The following FYB2 variants were observed in gnomAD, a reference collection of about 807,000 sequenced individuals.
The protein encoded by FYB2 is FYN binding protein 2, also known as FYN-binding protein 2.
In FYB2, 103 loss-of-function variants were observed where a neutral mutation model predicts 94.1. The observed-to-expected ratio is 1.09, with a 90% CI of 0.93 to 1.29. FYB2 has a LOEUF of 1.29. Ranked by LOEUF, FYB2 falls within the 50% of genes most tolerant of loss-of-function variation. The pLI, the probability that FYB2 is intolerant of heterozygous loss-of-function variation, is 0.00. For synonymous variants in FYB2, 293 were observed against 287.9 expected (o/e 1.02, Z -0.18); for missense variants, 896 against 841.5 (o/e 1.06, Z -0.80).
At position 56,719,543 on chromosome 1, in the gene FYB2, A is replaced by G; in HGVS notation, c.*128T>C. The G allele has an allele frequency of 1.3e-6, 1 of 786,444 alleles. No homozygotes were observed. Among genetic ancestry groups the G allele is most frequent in the Middle Eastern group, 2.4e-4 (1 of 4,238 alleles). The allele number at this position is 786,444 out of a possible 1,614,324, so 48.7% of individuals were successfully genotyped here. On this transcript the variant is annotated 3_prime_UTR_variant, in exon 20 of 20. Transcript: ENST00000343433. ...TTTTATTTTTCTCTTTTAAGTTCAG[A>G]ACGAAAGTTTCCACAGATTCCACCA...
intron 16 of FYB2, among the ~76,000 whole-genome samples, chr1:56,723,966 T>A (rs930553802): frequency 6.6e-6 from 1 of 152,032 alleles, no homozygotes; most frequent in Non-Finnish European, 1.5e-5. Flanking sequence ...AAAAAATATT[T>A]TTGATGGCAA....
intron 2 of FYB2, among the ~76,000 whole-genome samples, chr1:56,789,713 A>T (rs1209570690): frequency 6.6e-6 from 1 of 152,122 alleles, no homozygotes; most frequent in Admixed American, 6.5e-5. Context: ...ATCATGGCAC[A>T]TTGGAGGCAC....
chr1:56,799,776 C>T (rs796343129), intron 1 of FYB2, among the ~76,000 whole-genome samples: 8 of 152,196 alleles, frequency 5.3e-5, no homozygotes, highest in South Asian at 4.1e-4. Flanking sequence ...CCTGCTGCCA[C>T]GGGCTGCTAG....
intron 15 of FYB2, among the ~76,000 whole-genome samples, chr1:56,733,342 T>C (rs956710084): frequency 6.6e-6 from 1 of 152,130 alleles, no homozygotes; most frequent in African/African-American, 2.4e-5. Flanking sequence ...TTAGTCTTGC[T>C]AGTGGTCTAT....
At chr1:56,769,157 G>A (rs1003633880) in intron 4 of FYB2, among the ~76,000 whole-genome samples, 11 of 152,078 alleles carry the variant, frequency 7.2e-5, no homozygotes, top group Non-Finnish European at 1.3e-4. Context: ...ACACACCTCA[G>A]CCTCCTGAAT....
chr1:56,816,266 C>T (rs1432886812), intron 1 of FYB2, among the ~76,000 whole-genome samples: 2 of 152,156 alleles, frequency 1.3e-5, no homozygotes, highest in African/African-American at 2.4e-5. Flanking sequence ...AGTGGCTGGT[C>T]TAGTCTGGAG....
chr1:56,823,437 AGATAAAATATTTAAG>A (rs1318638602), upstream of FYB2, among the ~76,000 whole-genome samples: 1 of 152,230 alleles, frequency 6.6e-6, no homozygotes, highest in Non-Finnish European at 1.5e-5. Flanking sequence ...AATTATTTAA[AGATAAAATATTTAAG>A]GATAAAATGC....
At chr1:56,767,748 G>T in intron 5 of FYB2, 81 bp downstream of exon 5, 1 of 1,097,880 alleles carries the variant, frequency 9.1e-7, no homozygotes, top group Non-Finnish European at 1.4e-6. Context: ...TAAACTTACA[G>T]TTAGCTAAAG....
rs188798726 is a variant in FYB2 at position 56,744,183 on chromosome 1, A to G, written c.1471T>C (p.Tyr491His). ...SKTSSISEEI[Y>H]DDVEYSRKEV... ...TTCCTGGAGTACTCGACATCATCAT[A>G]TATCTCCTCCGAGATGGAACTTGTC... The change falls in exon 10 of 20, where the codon TAT becomes CAT. Residue 491 changes from tyrosine to histidine, a missense_variant. Transcript: ENST00000343433. 7 of 1,612,730 alleles carry G rather than the reference A, an allele frequency of 4.3e-6. No individual in the cohort carries two copies. Among genetic ancestry groups the G allele is most frequent in the African/African-American group, 1.3e-5 (1 of 74,898 alleles).
At chr1:56,767,804 C>T (rs750091354) in intron 5 of FYB2, 25 bp downstream of exon 5, 1 of 1,503,358 alleles carries the variant, frequency 6.7e-7, no homozygotes, top group Non-Finnish European at 9.2e-7. Context: ...CAGGGTTACA[C>T]TATTAATTGG....
chr1:56,758,866 C>T (rs111834246), intron 5 of FYB2, 116 bp from the exon 6 acceptor site: 17 of 686,064 alleles, frequency 2.5e-5, no homozygotes, highest in African/African-American at 1.1e-4. Flanking sequence ...CCTTTAAGAA[C>T]ATCAGACTAT....
chr1:56,817,102 C>T (rs1040913015), intron 1 of FYB2, among the ~76,000 whole-genome samples: 13 of 152,194 alleles, frequency 8.5e-5, no homozygotes, highest in Non-Finnish European at 1.6e-4. Flanking sequence ...AGCTGGATTG[C>T]GTCATTGCCT....
intron 6 of FYB2, among the ~76,000 whole-genome samples, chr1:56,756,825 T>G (rs894396898): frequency 6.6e-6 from 1 of 152,140 alleles, no homozygotes; most frequent in African/African-American, 2.4e-5. Flanking sequence ...CCAGAGGGAC[T>G]TGGTACATGT....
intron 4 of FYB2, among the ~76,000 whole-genome samples, chr1:56,780,959 A>G (rs1557642220): frequency 1.3e-5 from 2 of 152,126 alleles, no homozygotes; most frequent in Non-Finnish European, 2.9e-5. Flanking sequence ...TCTTTCCTGT[A>G]GCGATTCAAT....
chr1:56,814,446 C>T (rs1646836324), intron 1 of FYB2, among the ~76,000 whole-genome samples: 1 of 152,154 alleles, frequency 6.6e-6, no homozygotes. Flanking sequence ...AGGCTAAATG[C>T]TGAAGTCAGC....
At chr1:56,774,574 G>A (rs1645832211) in intron 4 of FYB2, among the ~76,000 whole-genome samples, 1 of 151,908 alleles carries the variant, frequency 6.6e-6, no homozygotes, top group African/African-American at 2.4e-5. Context: ...TTTCATTTGT[G>A]TATATATGTT....
chr1:56,727,413 T>C (rs565353534), intron 15 of FYB2, among the ~76,000 whole-genome samples: 2 of 152,170 alleles, frequency 1.3e-5, no homozygotes, highest in East Asian at 3.9e-4. Context: ...GTATTATTTG[T>C]AAGGGCCCCA....
At chr1:56,769,853 A>G (rs146303152) in intron 4 of FYB2, among the ~76,000 whole-genome samples, 44 of 152,310 alleles carry the variant, frequency 2.9e-4, no homozygotes, top group African/African-American at 1.0e-3. Context: ...TAATAAATGT[A>G]CATAGATTAA....
intron 4 of FYB2, among the ~76,000 whole-genome samples, chr1:56,772,725 C>T (rs1034547715): frequency 6.6e-6 from 1 of 152,076 alleles, no homozygotes; most frequent in African/African-American, 2.4e-5. Context: ...GGGTAAATAC[C>T]TTAAGCCTCC....
Sources: allele counts gnomAD v4.1 joint callset (sites outside exome capture counted in the v4.1 genomes callset), GRCh38; gene constraint gnomAD v4.1.1; transcripts MANE v1.5; gene names NCBI Gene and HGNC (gene_info 2026-07-23, HGNC 2026-07-21).